Variants in WDR45B observed in about 807,000 individuals in gnomAD.
WDR45B encodes WD repeat domain 45B, also known as WD repeat domain phosphoinositide-interacting protein 3.
A neutral mutation model predicts 44.6 loss-of-function variants in WDR45B; 20 were observed. The observed-to-expected ratio is 0.45, with a 90% CI of 0.32 to 0.65. The LOEUF is 0.65. Among genes scored for constraint, WDR45B ranks in the 30% least tolerant of loss-of-function variants. The pLI is 0.05. For synonymous variants in WDR45B, 169 were observed against 164.9 expected, an observed-to-expected ratio of 1.02 and a Z score of -0.19; for missense variants, 323 against 430.2, an observed-to-expected ratio of 0.75 and a Z score of 2.20.
chr17:82,634,470 C>A (rs1025279102), intron 2 of WDR45B, among the ~76,000 whole-genome samples: 1 of 150,208 alleles, frequency 6.7e-6, no homozygotes, highest in Non-Finnish European at 1.5e-5. Flanking sequence ...CCAGCCTGGG[C>A]GACAGGGCGA....
rs764966195 is a variant in WDR45B, at chr17:82,625,452, C to T, written c.364G>A (p.Val122Met). 6.2e-7 allele frequency: 1 copy of T among 1,614,142 alleles called. No individual in the cohort carries two copies. Among genetic ancestry groups the T allele is most frequent in the South Asian group, 1.1e-5 (1 of 91,080 alleles). Residue 122 changes from valine to methionine, a missense_variant, in exon 5 of 10, where the codon GTG becomes ATG. Coordinates refer to ENST00000392325, the MANE Select transcript of WDR45B (RefSeq NM_019613.4). Reference protein sequence around the residue: ...IVVVLDSMIKVFTFTHNPHQL... With the variant: ...IVVVLDSMIKMFTFTHNPHQL... Reference sequence around the variant, plus strand: ...TGGGGATTGTGTGTGAATGTGAACACCTTAATCATGGAGTCCAAAACCACC... The same window carrying T: ...TGGGGATTGTGTGTGAATGTGAACATCTTAATCATGGAGTCCAAAACCACC...
chr17:82,641,922 G>A (rs1428377705), intron 2 of WDR45B, among the ~76,000 whole-genome samples: 1 of 151,206 alleles, frequency 6.6e-6, no homozygotes, highest in Admixed American at 6.6e-5. Context: ...ATATCTCCAA[G>A]AGGTATTTTC....
chr17:82,623,958 G>T (rs562444392), intron 5 of WDR45B, among the ~76,000 whole-genome samples: 2 of 151,700 alleles, frequency 1.3e-5, no homozygotes, highest in South Asian at 4.2e-4. Flanking sequence ...ATAAATCATG[G>T]ATGAGACGCA....
chr17:82,618,966 C>G (rs1430122772), intron 7 of WDR45B, 77 bp downstream of exon 7: 7 of 1,417,596 alleles, frequency 4.9e-6, no homozygotes, highest in Non-Finnish European at 4.0e-6. Flanking sequence ...CTCCTACCCC[C>G]TCTCCCAAAT....
Position 82,648,387 on chromosome 17 carries a change from G to C in WDR45B, c.-47C>G, listed in dbSNP as rs752254266. 14 of 1,589,156 alleles carry C rather than the reference G, an allele frequency of 8.8e-6. 1 individual carries two copies. The highest frequency in any genetic ancestry group is 2.2e-4 in the Middle Eastern group (1 of 4,480). The stretch of plus-strand genomic sequence containing the variant: ...CGCTCCTCAGCGCTGCATGCCTCTC[G>C]CTGGGGACGGCGGCCTGGTCCCTTC... On this transcript the variant is annotated 5_prime_UTR_variant, in exon 1 of 10. Coordinates refer to ENST00000392325, the MANE Select transcript of WDR45B (RefSeq NM_019613.4).
intron 2 of WDR45B, among the ~76,000 whole-genome samples, chr17:82,634,606 A>G (rs984242903): frequency 2.0e-5 from 3 of 152,076 alleles, no homozygotes; most frequent in African/African-American, 7.3e-5. Flanking sequence ...CCACGCTTGT[A>G]GCAGCATCAT....
chr17:82,617,080 G>A (rs1239449534), intron 8 of WDR45B, among the ~76,000 whole-genome samples: 3 of 152,216 alleles, frequency 2.0e-5, no homozygotes, highest in Non-Finnish European at 2.9e-5. Flanking sequence ...GCCTCCCAAA[G>A]TGCTGGGATT....
Position 82,638,362 on chromosome 17 carries a change from G to A in WDR45B, c.142+5587C>T, listed in dbSNP as rs186485893. The stretch of plus-strand genomic sequence containing the variant: ...CAGGACACGTTAGGGTGAAAGGGGG[G>A]TAGGAGAAGGTCAGAGGCCTCCCCT... On this transcript the variant is annotated intron_variant, in intron 2 of 9. Transcript: ENST00000392325. 4.5e-3 allele frequency among the ~76,000 whole-genome samples: 682 copies of A among 150,526 alleles called. 12 individuals carry two copies. Among genetic ancestry groups the A allele is most frequent in the Admixed American group, 0.035 (530 of 15,086 alleles).
chr17:82,617,277 C>G lies in WDR45B; in HGVS notation c.806+19G>C. The G allele has an allele frequency of 6.2e-7, 1 of 1,610,374 alleles. No individual in the cohort carries two copies. The highest frequency in any genetic ancestry group is 8.5e-7 in the Non-Finnish European group (1 of 1,178,744). On this transcript the variant is annotated intron_variant, in intron 8 of 9. Coordinates refer to ENST00000392325, the MANE Select transcript of WDR45B (RefSeq NM_019613.4). ...CTCTCATCCCCCGGCTTTTCCCCAG[C>G]AGGCATCCTAACACCTACCTGGACT...
intron 1 of WDR45B, among the ~76,000 whole-genome samples, chr17:82,645,938 C>G (rs1002435993): frequency 6.6e-6 from 1 of 151,544 alleles, no homozygotes; most frequent in Non-Finnish European, 1.5e-5. Flanking sequence ...CTGGCTAACA[C>G]GGTGAAACCC....
At chr17:82,641,415 A>G (rs2045914036) in intron 2 of WDR45B, among the ~76,000 whole-genome samples, 1 of 152,162 alleles carries the variant, frequency 6.6e-6, no homozygotes, top group Non-Finnish European at 1.5e-5. Flanking sequence ...AGACCTTGTT[A>G]CAATCTTTTG....
intron 2 of WDR45B, among the ~76,000 whole-genome samples, chr17:82,635,064 A>T (rs1568012207): frequency 6.6e-6 from 1 of 152,034 alleles, no homozygotes. Context: ...CCCAAGATGA[A>T]ATTCTAGAGG....
At chr17:82,630,497 G>A (rs1238512965) in intron 3 of WDR45B, among the ~76,000 whole-genome samples, 4 of 151,938 alleles carry the variant, frequency 2.6e-5, no homozygotes, top group African/African-American at 7.3e-5. Flanking sequence ...ATACACACAC[G>A]TACTCCCACT....
intron 1 of WDR45B, chr17:82,644,566 C>T (rs1425502279): frequency 5.6e-6 from 1 of 179,648 alleles, no homozygotes; most frequent in Admixed American, 5.3e-5. Flanking sequence ...ACCCAGGTCA[C>T]TCATCCTGGT....
intron 1 of WDR45B, 67 bp from the exon 2 acceptor site, chr17:82,644,090 A>ATT: frequency 6.7e-7 from 1 of 1,488,084 alleles, no homozygotes; most frequent in Non-Finnish European, 9.3e-7. Context: ...AGAGGTCTGG[A>ATT]GAAATGACAA....
chr17:82,615,924 G>A lies in WDR45B; in HGVS notation c.1030C>T (p.Leu344=). 6.2e-7 allele frequency: 1 copy of A among 1,613,592 alleles called. No homozygotes were observed. Among genetic ancestry groups the A allele is most frequent in the Non-Finnish European group, 8.5e-7 (1 of 1,179,858 alleles). Residue 344 remains leucine, a synonymous_variant, in exon 10 of 10, where the codon CTG becomes TTG. Coordinates refer to ENST00000392325, the MANE Select transcript of WDR45B (RefSeq NM_019613.4). ...TGTGGCGCCCCCAGCTGGAGTCACA[G>A]CTTGTCATCGGTCATCTCTAGAAAC... ...AQFLEMTDDK[L]
intron 1 of WDR45B, among the ~76,000 whole-genome samples, 187 bp downstream of exon 1, chr17:82,648,087 C>A (rs917083568): frequency 6.2e-4 from 93 of 149,818 alleles, no homozygotes; most frequent in African/African-American, 2.2e-3. Flanking sequence ...CTGGTCCGGA[C>A]CCCGGCTCGG....
chr17:82,617,680 T>G lies in WDR45B; in HGVS notation c.705-283A>C, dbSNP rs77312519. Reference sequence around the variant, plus strand: ...GTGTGTCTGGGAGAGGGAAGGGACTTCTTGCAGACCACACCCCCAACATGC... The same window carrying G: ...GTGTGTCTGGGAGAGGGAAGGGACTGCTTGCAGACCACACCCCCAACATGC... On this transcript the variant is annotated intron_variant, in intron 7 of 9. Coordinates refer to ENST00000392325, the MANE Select transcript of WDR45B (RefSeq NM_019613.4). Among the ~76,000 whole-genome samples the G allele has an allele frequency of 4.9e-4, 75 of 152,318 alleles. No individual in the cohort carries two copies. The East Asian group carries it at 0.013, about 26-fold the overall frequency.
At chr17:82,641,557 T>C (rs1360770157) in intron 2 of WDR45B, among the ~76,000 whole-genome samples, 1 of 152,152 alleles carries the variant, frequency 6.6e-6, no homozygotes, top group African/African-American at 2.4e-5. Flanking sequence ...GCTCCCACCC[T>C]GCACACTAGG....
Sources: gnomAD v4.1 joint callset for allele counts (sites outside exome capture counted in the v4.1 genomes callset) on GRCh38, gnomAD v4.1.1 for gene constraint, MANE v1.5 for transcripts, NCBI Gene and HGNC (gene_info 2026-07-23, HGNC 2026-07-21) for gene names.